The following NAA60 variants were observed in gnomAD, a reference collection of about 807,000 sequenced individuals.
The protein encoded by NAA60 is N-alpha-acetyltransferase 60.
A neutral mutation model predicts 26.1 loss-of-function variants in NAA60; 8 were observed. That is an observed-to-expected ratio of 0.31 (90% CI 0.18 to 0.55). NAA60 has a LOEUF of 0.55. Ranked by LOEUF, NAA60 falls within the 20% of genes least tolerant of loss-of-function variation. The probability of loss-of-function intolerance (pLI) is 0.93; values close to 1 mark genes in which losing one functional copy is unlikely to be tolerated. For missense variants in NAA60, 290 were observed against 311.3 expected, an observed-to-expected ratio of 0.93 and a Z score of 0.51; for synonymous variants, 131 against 122.5, an observed-to-expected ratio of 1.07 and a Z score of -0.46.
chr16:3,450,443 G>A (rs1006018627), intron 2 of NAA60, among the ~76,000 whole-genome samples: 1 of 152,338 alleles, frequency 6.6e-6, no homozygotes, highest in African/African-American at 2.4e-5. Flanking sequence ...GCTCATGCCT[G>A]TAATCCCAGC....
At chr16:3,460,552 G>A (rs60305453) in intron 2 of NAA60, among the ~76,000 whole-genome samples, 7,340 of 152,208 alleles carry the variant, frequency 0.048, 584 homozygotes, top group African/African-American at 0.17. Context: ...TTTTGGTGGA[G>A]ACGGGGTTTT....
At chr16:3,456,102 G>A (rs1012916076) in intron 2 of NAA60, among the ~76,000 whole-genome samples, 4 of 152,126 alleles carry the variant, frequency 2.6e-5, no homozygotes, top group Non-Finnish European at 2.9e-5. Flanking sequence ...AGCCGGGCAC[G>A]GTCTCAAAAC....
At chr16:3,470,005 G>C (rs1316704535) in intron 2 of NAA60, among the ~76,000 whole-genome samples, 1 of 152,204 alleles carries the variant, frequency 6.6e-6, no homozygotes, top group Non-Finnish European at 1.5e-5. Context: ...TGCTGGGGCT[G>C]CCCTGGGGCC....
At chr16:3,471,089 G>A (rs1446792375) in intron 2 of NAA60, among the ~76,000 whole-genome samples, 2 of 152,170 alleles carry the variant, frequency 1.3e-5, no homozygotes, top group Non-Finnish European at 2.9e-5. Context: ...AATTCACACT[G>A]GAAACAAATG....
intron 2 of NAA60, among the ~76,000 whole-genome samples, chr16:3,475,603 C>T (rs897818384): frequency 3.9e-5 from 6 of 152,184 alleles, no homozygotes; most frequent in East Asian, 1.9e-4. Context: ...CTTGGCCACT[C>T]GTGACCCCGA....
intron 3 of NAA60, among the ~76,000 whole-genome samples, chr16:3,478,641 A>G (rs1432566080): frequency 1.3e-5 from 2 of 152,048 alleles, no homozygotes; most frequent in Non-Finnish European, 2.9e-5. Context: ...TCTTGGCCTC[A>G]TTGTTGATGA....
chr16:3,467,223 G>C (rs965419178), intron 2 of NAA60, among the ~76,000 whole-genome samples: 4 of 152,084 alleles, frequency 2.6e-5, no homozygotes, highest in African/African-American at 9.7e-5. Flanking sequence ...AAGCTGAAGC[G>C]TGTGGCGGGA....
At chr16:3,457,680 C>G (rs1327356759) in intron 2 of NAA60, among the ~76,000 whole-genome samples, 1 of 152,232 alleles carries the variant, frequency 6.6e-6, no homozygotes, top group East Asian at 1.9e-4. Flanking sequence ...CAGGCCCTCG[C>G]GAGCTTAGGA....
At chr16:3,462,879 C>A (rs752601443) in intron 2 of NAA60, among the ~76,000 whole-genome samples, 8 of 152,138 alleles carry the variant, frequency 5.3e-5, no homozygotes, top group Non-Finnish European at 8.8e-5. Context: ...TCCCCTTACT[C>A]AAGAAAAGGA....
At chr16:3,469,555 A>G (rs2035992577) in intron 2 of NAA60, among the ~76,000 whole-genome samples, 1 of 119,114 alleles carries the variant, frequency 8.4e-6, no homozygotes, top group Admixed American at 8.7e-5. Context: ...TGGAGGGCTC[A>G]GAGCAGAGAG....
intron 2 of NAA60, among the ~76,000 whole-genome samples, chr16:3,461,374 G>A (rs956315756): frequency 1.3e-5 from 2 of 152,138 alleles, no homozygotes; most frequent in Non-Finnish European, 2.9e-5. Flanking sequence ...GCAGAGAGGT[G>A]CCAGTCACCC....
At chr16:3,458,672 C>G (rs888416317) in intron 2 of NAA60, among the ~76,000 whole-genome samples, 1 of 152,244 alleles carries the variant, frequency 6.6e-6, no homozygotes, top group African/African-American at 2.4e-5. Context: ...GACTTGTTTG[C>G]CCTCCTCTGA....
At chr16:3,447,680 T>C in intron 1 of NAA60, 1 of 972,628 alleles carries the variant, frequency 1.0e-6, no homozygotes, top group Non-Finnish European at 1.2e-6. Context: ...GTGTTCAGAA[T>C]GCTTGATTGA....
chr16:3,484,396 C>T (rs2037041599), intron 6 of NAA60, among the ~76,000 whole-genome samples: 1 of 152,204 alleles, frequency 6.6e-6, no homozygotes, highest in African/African-American at 2.4e-5. Context: ...ACCAGAAGCA[C>T]CTGCCCTTCT....
chr16:3,467,060 C>T (rs1352554337), intron 2 of NAA60, among the ~76,000 whole-genome samples: 1 of 152,006 alleles, frequency 6.6e-6, no homozygotes, highest in Non-Finnish European at 1.5e-5. Context: ...GAAAGCCTGA[C>T]ATTGAAAATG....
At chr16:3,450,857 A>G (rs966371769) in intron 2 of NAA60, among the ~76,000 whole-genome samples, 5 of 152,190 alleles carry the variant, frequency 3.3e-5, no homozygotes, top group African/African-American at 9.6e-5. Context: ...TGCATGGTAT[A>G]GAAGCCTTGG....
Position 3,476,288 on chromosome 16 carries a change from G to C in NAA60, c.61G>C (p.Asp21His). 9 of 1,592,742 alleles carry C rather than the reference G, an allele frequency of 5.7e-6. No individual in the cohort carries two copies. Among genetic ancestry groups the C allele is most frequent in the African/African-American group, 2.7e-5 (2 of 74,148 alleles). Reference protein sequence around the residue: ...SEVSLRLLCHDDIDTVKHLCG... With the variant: ...SEVSLRLLCHHDIDTVKHLCG... The stretch of plus-strand genomic sequence containing the variant: ...GGTCAGCCTGCGCCTCCTCTGCCAC[G>C]ATGACATAGACACTGTGAAGCACCT... Residue 21 changes from aspartate to histidine, a missense_variant, in exon 3 of 8, where the codon GAT becomes CAT. Transcript: ENST00000407558.
chr16:3,457,679 G>C (rs772990053), intron 2 of NAA60, among the ~76,000 whole-genome samples: 1 of 152,236 alleles, frequency 6.6e-6, no homozygotes. Context: ...GCAGGCCCTC[G>C]CGAGCTTAGG....
Position 3,443,813 on chromosome 16 carries a change from C to G in NAA60, c.-101C>G. The stretch of plus-strand genomic sequence containing the variant: ...GAAAGAAGACTGGGAGACACCGGAA[C>G]TCGAAAGAAAATCGGTAACAAAATG... On this transcript the variant is annotated 5_prime_UTR_variant, in exon 1 of 8. Coordinates refer to ENST00000407558, the MANE Select transcript of NAA60 (RefSeq NM_001083601.3). 1 of 1,534,864 alleles carries G rather than the reference C, an allele frequency of 6.5e-7. No homozygotes were observed. Among genetic ancestry groups the G allele is most frequent in the Admixed American group, 2.0e-5 (1 of 50,950 alleles).
Sources: allele counts gnomAD v4.1 joint callset (sites outside exome capture counted in the v4.1 genomes callset), GRCh38; gene constraint gnomAD v4.1.1; transcripts MANE v1.5; gene names NCBI Gene and HGNC (gene_info 2026-07-23, HGNC 2026-07-21).